LHFPL3: variants seen among roughly 807,000 people sequenced by gnomAD.
LHFPL3 encodes LHFPL tetraspan subfamily member 3, also known as LHFPL tetraspan subfamily member 3 protein.
Under a neutral mutation model 19.3 loss-of-function variants are expected in LHFPL3, and 5 were observed. The observed-to-expected ratio is 0.26, with a 90% CI of 0.14 to 0.54. The LOEUF is 0.54. Ranked by LOEUF, LHFPL3 falls within the 20% of genes least tolerant of loss-of-function variation. LHFPL3 has a pLI of 0.94. For synonymous variants in LHFPL3, 133 were observed against 126.2 expected, an observed-to-expected ratio of 1.05 and a Z score of -0.36; for missense variants, 249 against 307.4, an observed-to-expected ratio of 0.81 and a Z score of 1.42.
intron 2 of LHFPL3, among the ~76,000 whole-genome samples, chr7:104,880,125 T>C (rs1792018444): frequency 6.6e-6 from 1 of 152,156 alleles, no homozygotes; most frequent in Non-Finnish European, 1.5e-5. Context: ...TGAAATGTGA[T>C]TCCCAGTGTT....
At chr7:104,439,065 A>G (rs1313637601) in intron 1 of LHFPL3, among the ~76,000 whole-genome samples, 1 of 152,258 alleles carries the variant, frequency 6.6e-6, no homozygotes, top group Non-Finnish European at 1.5e-5. Flanking sequence ...AAATAGCCTT[A>G]TATCCATCAA....
intron 1 of LHFPL3, among the ~76,000 whole-genome samples, chr7:104,371,029 A>C (rs1790603248): frequency 1.3e-5 from 2 of 152,186 alleles, no homozygotes; most frequent in Admixed American, 1.3e-4. Context: ...CCACCTCACT[A>C]TCCAACATAT....
intron 1 of LHFPL3, among the ~76,000 whole-genome samples, chr7:104,695,609 G>C (rs1484363193): frequency 6.6e-6 from 1 of 152,212 alleles, no homozygotes; most frequent in Non-Finnish European, 1.5e-5. Flanking sequence ...TTTAGACCTG[G>C]AAGATTTATA....
intron 1 of LHFPL3, among the ~76,000 whole-genome samples, chr7:104,387,367 T>G (rs2116463780): frequency 6.6e-6 from 1 of 151,774 alleles, no homozygotes; most frequent in South Asian, 2.1e-4. Flanking sequence ...AAACTTGGTC[T>G]CAAAATTAAA....
chr7:104,900,359 G>GA (rs1449313114), intron 2 of LHFPL3, among the ~76,000 whole-genome samples: 1 of 152,196 alleles, frequency 6.6e-6, no homozygotes, highest in African/African-American at 2.4e-5. Context: ...CCCTTCTTGT[G>GA]AAATACTTAC....
chr7:104,372,471 G>T (rs1790634199), intron 1 of LHFPL3, among the ~76,000 whole-genome samples: 1 of 152,136 alleles, frequency 6.6e-6, no homozygotes, highest in Non-Finnish European at 1.5e-5. Context: ...GTTGTGATTG[G>T]TTTTGAGGCA....
rs563861029 is a variant in LHFPL3, at chr7:104,549,962, A to T, written c.446-186713A>T. ...TCTCTAGAGGAACAGAGCCAATAGG[A>T]TGTGTGTACAGAGGGAGATTGATTT... On this transcript the variant is annotated intron_variant, in intron 1 of 2. Transcript: ENST00000424859. 2.2e-4 allele frequency among the ~76,000 whole-genome samples: 33 copies of T among 152,288 alleles called. No homozygotes were observed. In the South Asian group the frequency reaches 6.8e-3, roughly 32 times the overall value.
chr7:104,908,160 A>G lies in LHFPL3; in HGVS notation c.*1945A>G, dbSNP rs1792654469. ...GCTTTCTCTAATCCATGCAAACTAC[A>G]AATTCCATCGGGAGTCCTACATCAC... On this transcript the variant is annotated 3_prime_UTR_variant, in exon 3 of 3. Coordinates refer to ENST00000424859, the MANE Select transcript of LHFPL3 (RefSeq NM_199000.3). Among the ~76,000 whole-genome samples the G allele has an allele frequency of 6.6e-6, 1 of 152,250 alleles. No individual in the cohort carries two copies. Among genetic ancestry groups the G allele is most frequent in the South Asian group, 2.1e-4 (1 of 4,832 alleles).
chr7:104,508,873 A>T (rs1026457824), intron 1 of LHFPL3, among the ~76,000 whole-genome samples: 2 of 152,048 alleles, frequency 1.3e-5, no homozygotes, highest in African/African-American at 4.8e-5. Flanking sequence ...TAGAAAGATG[A>T]CAAAAGTAGA....
chr7:104,709,214 A>G (rs1793247452), intron 1 of LHFPL3, among the ~76,000 whole-genome samples: 1 of 148,282 alleles, frequency 6.7e-6, no homozygotes, highest in Admixed American at 6.7e-5. Flanking sequence ...TTTCATTTTT[A>G]TTTTTTTATT....
At chr7:104,603,443 GC>G (rs371368949) in intron 1 of LHFPL3, among the ~76,000 whole-genome samples, 92 of 152,014 alleles carry the variant, frequency 6.1e-4, no homozygotes, top group African/African-American at 2.2e-3. Context: ...TGCACCCCTG[GC>G]CCCCAAAATT....
chr7:104,387,861 G>C (rs1219124393), intron 1 of LHFPL3, among the ~76,000 whole-genome samples: 1 of 152,056 alleles, frequency 6.6e-6, no homozygotes, highest in Non-Finnish European at 1.5e-5. Context: ...GTGTGTGATG[G>C]GTTTGGTGTA....
intron 1 of LHFPL3, among the ~76,000 whole-genome samples, chr7:104,349,970 T>C (rs545385991): frequency 6.6e-6 from 1 of 152,190 alleles, no homozygotes; most frequent in East Asian, 1.9e-4. Flanking sequence ...GCTGAGAGCT[T>C]TCCTTATACC....
At chr7:104,775,864 T>TA (rs1794628335) in intron 2 of LHFPL3, among the ~76,000 whole-genome samples, 3 of 151,724 alleles carry the variant, frequency 2.0e-5, no homozygotes, top group Admixed American at 2.0e-4. Flanking sequence ...TTTTTTTTTT[T>TA]CTCAGCTTAT....
At chr7:104,584,077 G>T (rs1790516036) in intron 1 of LHFPL3, among the ~76,000 whole-genome samples, 2 of 151,990 alleles carry the variant, frequency 1.3e-5, no homozygotes, top group African/African-American at 2.4e-5. Flanking sequence ...AACAATGATA[G>T]ACTGGATTAA....
At chr7:104,377,617 A>G (rs796446150) in intron 1 of LHFPL3, among the ~76,000 whole-genome samples, 4 of 152,288 alleles carry the variant, frequency 2.6e-5, no homozygotes, top group African/African-American at 9.6e-5. Flanking sequence ...TTTGCTGAAG[A>G]ATTTACTTGC....
intron 1 of LHFPL3, among the ~76,000 whole-genome samples, chr7:104,373,867 T>A (rs1790657332): frequency 6.6e-6 from 1 of 152,174 alleles, no homozygotes; most frequent in African/African-American, 2.4e-5. Context: ...CAGATGCTGA[T>A]TTTCCCCCAT....
intron 1 of LHFPL3, among the ~76,000 whole-genome samples, chr7:104,376,929 A>G (rs1562879025): frequency 6.6e-6 from 1 of 152,208 alleles, no homozygotes; most frequent in Non-Finnish European, 1.5e-5. Context: ...GCTACATAGT[A>G]TCCCTGGGTT....
chr7:104,569,696 G>C (rs542357011), intron 1 of LHFPL3, among the ~76,000 whole-genome samples: 2 of 152,136 alleles, frequency 1.3e-5, no homozygotes, highest in African/African-American at 2.4e-5. Context: ...ACAATGTTCA[G>C]TGGTGGCTAT....
Sources: allele counts gnomAD v4.1 joint callset (sites outside exome capture counted in the v4.1 genomes callset), GRCh38; gene constraint gnomAD v4.1.1; transcripts MANE v1.5; gene names NCBI Gene and HGNC (gene_info 2026-07-23, HGNC 2026-07-21).